The following ASPRV1 variants were observed in gnomAD, a reference collection of about 807,000 sequenced individuals.
ASPRV1 encodes aspartic peptidase retroviral like 1.
ASPRV1 carries 7 observed loss-of-function variants against 11.0 expected under a neutral mutation model. The observed-to-expected ratio is 0.64, with a 90% CI of 0.36 to 1.20. The LOEUF is 1.20. Ranked by LOEUF, ASPRV1 falls within the 50% of genes most tolerant of loss-of-function variation. The pLI is 0.02. For synonymous variants in ASPRV1, 136 were observed against 138.4 expected, an observed-to-expected ratio of 0.98 and a Z score of 0.12; for missense variants, 299 against 320.0, an observed-to-expected ratio of 0.93 and a Z score of 0.50.
At chr2:70,029,633 G>A in the ASPRV1 span, among the ~76,000 whole-genome samples, 8 of 152,238 alleles carry the variant, frequency 5.3e-5, no homozygotes, top group East Asian at 7.7e-4. Flanking sequence ...GCAAGACTCC[G>A]TCTCAAAAAC....
chr2:69,966,931 T>A, the ASPRV1 span, among the ~76,000 whole-genome samples: 1 of 151,950 alleles, frequency 6.6e-6, no homozygotes, highest in Non-Finnish European at 1.5e-5. Flanking sequence ...CCAGAAGATG[T>A]GGGAGAGGCA....
At chr2:69,935,674 A>T in the ASPRV1 span, among the ~76,000 whole-genome samples, 1 of 152,108 alleles carries the variant, frequency 6.6e-6, no homozygotes, top group Non-Finnish European at 1.5e-5. Flanking sequence ...CCAACTCTCC[A>T]TCCAGTTGTA....
the ASPRV1 span, chr2:70,016,200 A>G: frequency 6.6e-6 from 1 of 152,224 alleles, no homozygotes; most frequent in Non-Finnish European, 1.5e-5. Flanking sequence ...GAAGACTGAA[A>G]TCATACCAAG....
the ASPRV1 span, among the ~76,000 whole-genome samples, chr2:69,972,355 C>T: frequency 6.8e-6 from 1 of 146,628 alleles, no homozygotes; most frequent in East Asian, 2.1e-4. Flanking sequence ...GCCACCGTGC[C>T]CGGCCCTTTT....
At chr2:70,043,984 G>A in the ASPRV1 span, among the ~76,000 whole-genome samples, 7 of 152,082 alleles carry the variant, frequency 4.6e-5, no homozygotes, top group Non-Finnish European at 7.3e-5. Context: ...TTTCTTTAGA[G>A]ACCCAGCATC....
chr2:69,955,380 A>G (rs1400913090), downstream of ASPRV1, among the ~76,000 whole-genome samples: 2 of 152,204 alleles, frequency 1.3e-5, no homozygotes, highest in African/African-American at 4.8e-5. Flanking sequence ...CTCCCTGCAC[A>G]CCTGGGAGAC....
chr2:69,937,336 G>T, the ASPRV1 span: 1 of 1,614,156 alleles, frequency 6.2e-7, no homozygotes, highest in Non-Finnish European at 8.5e-7. Flanking sequence ...GCATTGAGAG[G>T]ATCCGGATGG....
the ASPRV1 span, among the ~76,000 whole-genome samples, chr2:69,948,244 T>A: frequency 6.6e-6 from 1 of 152,120 alleles, no homozygotes; most frequent in Non-Finnish European, 1.5e-5. Flanking sequence ...TGAGACCCTG[T>A]CTCAAACAAA....
chr2:69,980,837 G>A, the ASPRV1 span, among the ~76,000 whole-genome samples: 1 of 152,198 alleles, frequency 6.6e-6, no homozygotes, highest in Non-Finnish European at 1.5e-5. Context: ...GCGCAATGGA[G>A]AGATCTCAGC....
chr2:69,990,556 T>C, the ASPRV1 span, among the ~76,000 whole-genome samples: 3 of 152,046 alleles, frequency 2.0e-5, no homozygotes, highest in South Asian at 6.2e-4. Context: ...GGGCTTACTG[T>C]AGCCTCGACA....
chr2:69,954,747 G>A, the ASPRV1 span, among the ~76,000 whole-genome samples: 53 of 152,292 alleles, frequency 3.5e-4, no homozygotes, highest in Non-Finnish European at 6.0e-4. Flanking sequence ...AGCTGTCCCT[G>A]ACTGCACAAT....
At chr2:70,005,007 C>T in the ASPRV1 span, among the ~76,000 whole-genome samples, 2 of 152,248 alleles carry the variant, frequency 1.3e-5, no homozygotes, top group African/African-American at 2.4e-5. Context: ...CAGTGTCCAT[C>T]GCCCTCCCTC....
chr2:69,949,159 G>A, the ASPRV1 span, among the ~76,000 whole-genome samples: 1 of 152,090 alleles, frequency 6.6e-6, no homozygotes, highest in Non-Finnish European at 1.5e-5. Context: ...ACGGACCTCT[G>A]CCGGAGCAGA....
the ASPRV1 span, among the ~76,000 whole-genome samples, chr2:69,998,569 A>G: frequency 6.6e-6 from 1 of 151,992 alleles, no homozygotes; most frequent in South Asian, 2.1e-4. Context: ...TACTAAAAAT[A>G]CAAAAAAAAA....
downstream of ASPRV1, among the ~76,000 whole-genome samples, chr2:69,955,699 T>A (rs1325227592): frequency 6.6e-6 from 1 of 152,202 alleles, no homozygotes; most frequent in Non-Finnish European, 1.5e-5. Context: ...GCGTGTGTGA[T>A]GTGCCACCTC....
the ASPRV1 span, among the ~76,000 whole-genome samples, chr2:70,072,411 C>T: frequency 6.6e-6 from 1 of 150,854 alleles, no homozygotes; most frequent in Non-Finnish European, 1.5e-5. Flanking sequence ...AAGCAAGACC[C>T]TATCTCTTAA....
the ASPRV1 span, among the ~76,000 whole-genome samples, chr2:69,949,649 G>C: frequency 6.6e-6 from 1 of 152,208 alleles, no homozygotes; most frequent in Admixed American, 6.5e-5. Context: ...TTTTAATGCA[G>C]CATGAAGGTG....
chr2:70,087,186 T>C, the ASPRV1 span: 1 of 152,178 alleles, frequency 6.6e-6, no homozygotes, highest in African/African-American at 2.4e-5. Flanking sequence ...AAATAATGTC[T>C]ATCCCGCATA....
chr2:69,972,480 C>T, the ASPRV1 span, among the ~76,000 whole-genome samples: 2 of 151,960 alleles, frequency 1.3e-5, no homozygotes, highest in African/African-American at 4.8e-5. Context: ...GCCTCAGCTT[C>T]CCAAGTAGCT....
Sources: gnomAD v4.1 joint callset for allele counts (sites outside exome capture counted in the v4.1 genomes callset) on GRCh38, gnomAD v4.1.1 for gene constraint, MANE v1.5 for transcripts, NCBI Gene and HGNC (gene_info 2026-07-23, HGNC 2026-07-21) for gene names.